POC5: variants seen among roughly 807,000 people sequenced by gnomAD.
POC5 encodes the protein POC5 centriolar protein, also known as centrosomal protein POC5.
A neutral mutation model predicts 62.9 loss-of-function variants in POC5; 48 were observed. The observed-to-expected ratio is 0.76, with a 90% CI of 0.61 to 0.97. The LOEUF (loss-of-function observed/expected upper bound fraction) is 0.97, where lower values mean the gene tolerates loss of function less well. Ranked by LOEUF, POC5 falls within the 50% of genes least tolerant of loss-of-function variation. The probability of loss-of-function intolerance (pLI) is 0.00; values close to 1 mark genes in which losing one functional copy is unlikely to be tolerated. For missense variants in POC5, 696 were observed against 679.5 expected, an observed-to-expected ratio of 1.02 and a Z score of -0.27; for synonymous variants, 236 against 228.2, an observed-to-expected ratio of 1.03 and a Z score of -0.31.
chr5:75,698,103 C>G (rs1440331169), intron 5 of POC5, among the ~76,000 whole-genome samples: 1 of 141,776 alleles, frequency 7.1e-6, no homozygotes, highest in East Asian at 2.0e-4. Context: ...ACTTAGACTC[C>G]CACATATTAA....
chr5:75,714,245 G>C (rs1410488231), intron 1 of POC5, among the ~76,000 whole-genome samples: 2 of 152,130 alleles, frequency 1.3e-5, no homozygotes, highest in African/African-American at 4.8e-5. Flanking sequence ...AGCCGAGCCT[G>C]GTGGCAGGTG....
intron 7 of POC5, among the ~76,000 whole-genome samples, 189 bp downstream of exon 7, chr5:75,692,207 T>C (rs1171146760): frequency 6.6e-6 from 1 of 152,100 alleles, no homozygotes; most frequent in Non-Finnish European, 1.5e-5. Context: ...TATATATATA[T>C]TATATGTCAA....
intron 8 of POC5, 131 bp downstream of exon 8, chr5:75,690,252 G>C: frequency 2.4e-6 from 2 of 834,520 alleles, no homozygotes; most frequent in Non-Finnish European, 3.6e-6. Context: ...ATTAACACAA[G>C]AATAAACGTT....
chr5:75,716,923 G>A (rs1305926425), intron 1 of POC5, among the ~76,000 whole-genome samples: 1 of 152,150 alleles, frequency 6.6e-6, no homozygotes, highest in Non-Finnish European at 1.5e-5. Context: ...CCCAAAGCAG[G>A]GACTAGAAGC....
rs180983247 is a variant in POC5, at chr5:75,708,910, G to A, written c.85-1035C>T. On this transcript the variant is annotated intron_variant, in intron 2 of 11. Transcript: ENST00000428202. Reference sequence around the variant, plus strand: ...TGCAGTGGCATGGTCTTGGCTCACCGCAACCTCTGCCTCCCAGGTTCAAGC... The same window carrying A: ...TGCAGTGGCATGGTCTTGGCTCACCACAACCTCTGCCTCCCAGGTTCAAGC... Among the ~76,000 whole-genome samples, 147 of 152,020 alleles carry A rather than the reference G, an allele frequency of 9.7e-4. 1 individual carries two copies. Among genetic ancestry groups the A allele is most frequent in the African/African-American group, 3.4e-3 (140 of 41,464 alleles).
chr5:75,681,299 A>G (rs933716436), intron 10 of POC5, among the ~76,000 whole-genome samples: 3 of 152,174 alleles, frequency 2.0e-5, no homozygotes, highest in African/African-American at 2.4e-5. Flanking sequence ...CCAACTCCCT[A>G]ATGATACCCT....
Position 75,690,393 on chromosome 5 carries a change from T to G in POC5, c.965A>C (p.Lys322Thr). The G allele has an allele frequency of 6.2e-7, 1 of 1,608,716 alleles. No individual in the cohort carries two copies. The highest frequency in any genetic ancestry group is 1.1e-5 in the South Asian group (1 of 89,626). ...GAAAAAGATGCTTACCATAGCAACT[T>G]TGGCTTCATAATCATTGGAAATCTG... is the stretch of plus-strand genomic sequence containing the variant. ...CIQISNDYEA[K>T]VAMLSGALEN... The change falls in exon 8 of 12, where the codon AAA becomes ACA. Residue 322 changes from lysine (K) to threonine (T), a missense_variant. Lys to Thr is a moderately conservative substitution (Grantham distance 78). Coordinates refer to ENST00000428202, the MANE Select transcript of POC5 (RefSeq NM_001099271.2).
intron 2 of POC5, among the ~76,000 whole-genome samples, chr5:75,708,131 A>G (rs2112199877): frequency 6.6e-6 from 1 of 152,306 alleles, no homozygotes; most frequent in East Asian, 1.9e-4. Flanking sequence ...AGGCTGAGGC[A>G]GGAGGATGGC....
intron 10 of POC5, among the ~76,000 whole-genome samples, chr5:75,682,766 C>T (rs537106189): frequency 5.3e-5 from 8 of 152,284 alleles, no homozygotes; most frequent in East Asian, 1.9e-4. Flanking sequence ...CCACCTGCCT[C>T]GGCCTCCCAG....
chr5:75,690,612 T>C lies in POC5; in HGVS notation c.796-50A>G, dbSNP rs957943809. Reference sequence around the variant, plus strand: ...CAAAAACACAGTTGATTGATAAATATATTGGTAGTAATAATAAACATAACA... The same window carrying C: ...CAAAAACACAGTTGATTGATAAATACATTGGTAGTAATAATAAACATAACA... On this transcript the variant is annotated intron_variant, in intron 7 of 11. Transcript: ENST00000428202. The C allele has an allele frequency of 1.2e-5, 16 of 1,360,256 alleles. No individual in the cohort carries two copies. The African/African-American group carries it at 1.6e-4, about 14-fold the overall frequency. 84.3% of individuals were successfully genotyped at this position (1,360,256 alleles called of 1,614,324 possible).
At chr5:75,685,148 T>G in intron 10 of POC5, 59 bp downstream of exon 10, 1 of 1,520,488 alleles carries the variant, frequency 6.6e-7, no homozygotes, top group Non-Finnish European at 8.9e-7. Context: ...ATTACAGGTG[T>G]GAGCCACTGG....
chr5:75,712,610 T>G, intron 2 of POC5: 1 of 794,468 alleles, frequency 1.3e-6, no homozygotes, highest in Non-Finnish European at 2.1e-6. Flanking sequence ...GTTTCACCTC[T>G]TACTGTGTTG....
At chr5:75,684,361 TA>T (rs1325568013) in intron 10 of POC5, among the ~76,000 whole-genome samples, 1 of 147,614 alleles carries the variant, frequency 6.8e-6, no homozygotes, top group Non-Finnish European at 1.5e-5. Context: ...TTTTCCTACA[TA>T]ATTTTTTTTT....
intron 5 of POC5, chr5:75,696,231 T>G (rs1776579218): frequency 6.5e-6 from 1 of 153,416 alleles, no homozygotes. Context: ...GAGACCTGCC[T>G]GCCTCTGTAG....
At chr5:75,698,910 C>A (rs1292431352) in intron 5 of POC5, among the ~76,000 whole-genome samples, 1 of 151,268 alleles carries the variant, frequency 6.6e-6, no homozygotes, top group African/African-American at 2.4e-5. Flanking sequence ...CACAGAAATA[C>A]AAAGTACCAT....
At chr5:75,678,547 ATAT>A (rs1775760332) in intron 10 of POC5, among the ~76,000 whole-genome samples, 1 of 152,166 alleles carries the variant, frequency 6.6e-6, no homozygotes, top group African/African-American at 2.4e-5. Flanking sequence ...AGCATAATTA[ATAT>A]TATCATTACA....
intron 2 of POC5, among the ~76,000 whole-genome samples, chr5:75,708,992 C>A (rs1223303907): frequency 6.6e-6 from 1 of 152,186 alleles, no homozygotes; most frequent in East Asian, 1.9e-4. Context: ...ACCACCACGC[C>A]CACCTAATTT....
chr5:75,694,920 T>G, intron 5 of POC5, 89 bp from the exon 6 acceptor site: 2 of 965,084 alleles, frequency 2.1e-6, no homozygotes, highest in Non-Finnish European at 3.0e-6. Flanking sequence ...ATTAAAAAAA[T>G]CAGAACAAGC....
chr5:75,674,439 T>A lies in POC5; in HGVS notation c.1724A>T (p.Asp575Val). The change falls in exon 12 of 12, where the codon GAC becomes GTC. Residue 575 changes from aspartate to valine, a missense_variant. Transcript: ENST00000428202. ...LTSVHSIKVV[D>V] Reference sequence around the variant, plus strand: ...CCCACTATGGACATATTCACTTTAGTCAACCACTTTTATGGAATGAACACT... The same window carrying A: ...CCCACTATGGACATATTCACTTTAGACAACCACTTTTATGGAATGAACACT... 1 of 1,613,852 alleles carries A rather than the reference T, an allele frequency of 6.2e-7. No individual in the cohort carries two copies. The highest frequency in any genetic ancestry group is 8.5e-7 in the Non-Finnish European group (1 of 1,179,818).
Sources: gnomAD v4.1 joint callset for allele counts (sites outside exome capture counted in the v4.1 genomes callset) on GRCh38, gnomAD v4.1.1 for gene constraint, MANE v1.5 for transcripts, NCBI Gene and HGNC (gene_info 2026-07-23, HGNC 2026-07-21) for gene names.